Variants in RNF41 observed in about 807,000 individuals in gnomAD.
RNF41 encodes the protein ring finger protein 41.
A neutral mutation model predicts 33.0 loss-of-function variants in RNF41; 4 were observed. The ratio of observed to expected loss-of-function variants is 0.12; its 90% CI spans 0.06 to 0.28. The LOEUF is 0.28. Ranked by LOEUF, RNF41 falls within the 10% of genes least tolerant of loss-of-function variation. RNF41 has a pLI of 1.00. For synonymous variants in RNF41, 164 were observed against 153.2 expected (o/e 1.07, Z -0.52); for missense variants, 228 against 432.6 (o/e 0.53, Z 4.19).
At chr12:56,217,955 A>G (rs1869029636) in intron 1 of RNF41, among the ~76,000 whole-genome samples, 1 of 139,568 alleles carries the variant, frequency 7.2e-6, no homozygotes. Context: ...TTTCACATAA[A>G]TTATTATTAT....
At chr12:56,210,721 G>A (rs1469339957) in intron 3 of RNF41, among the ~76,000 whole-genome samples, 153 bp from the exon 4 acceptor site, 1 of 152,178 alleles carries the variant, frequency 6.6e-6, no homozygotes, top group African/African-American at 2.4e-5. Context: ...TCTACTACGG[G>A]CAAGGCATTG....
chr12:56,217,897 A>G (rs1453934816), intron 1 of RNF41, among the ~76,000 whole-genome samples: 1 of 152,154 alleles, frequency 6.6e-6, no homozygotes, highest in Admixed American at 6.5e-5. Context: ...TGGAAAAACT[A>G]TCTTCCACAA....
At chr12:56,216,864 G>A (rs1565945544) in intron 1 of RNF41, among the ~76,000 whole-genome samples, 1 of 152,196 alleles carries the variant, frequency 6.6e-6, no homozygotes, top group East Asian at 1.9e-4. Flanking sequence ...AGAGAGGCCG[G>A]GCGTGGTGGC....
intron 4 of RNF41, among the ~76,000 whole-genome samples, chr12:56,209,704 G>T (rs908630276): frequency 1.3e-5 from 2 of 151,928 alleles, no homozygotes; most frequent in African/African-American, 2.4e-5. Flanking sequence ...TGATCCACCC[G>T]CCTTGGCCTC....
Position 56,204,362 on chromosome 12 carries a change from A to G in RNF41, c.*2085T>C, listed in dbSNP as rs1208494419. The G allele has an allele frequency of 6.6e-6, 1 of 152,078 alleles. No homozygotes were observed. The highest frequency in any genetic ancestry group is 6.6e-5 in the Admixed American group (1 of 15,254). 9.4% of individuals were successfully genotyped at this position (152,078 alleles called of 1,614,324 possible). ...GGAAAGCAGCTGTGAAGTGCACACT[A>G]CTCCCAGACATCCTCCTGAAAGAGA... On this transcript the variant is annotated 3_prime_UTR_variant, in exon 7 of 7. Transcript: ENST00000345093.
chr12:56,207,536 A>AC (rs1868294224), intron 6 of RNF41, 110 bp downstream of exon 6: 9 of 875,866 alleles, frequency 1.0e-5, no homozygotes, highest in Non-Finnish European at 1.2e-5. Flanking sequence ...AGAAGCAGTG[A>AC]CCCCCAGCCC....
intron 1 of RNF41, among the ~76,000 whole-genome samples, chr12:56,218,344 C>T (rs73340397): frequency 3.2e-4 from 48 of 152,052 alleles, no homozygotes; most frequent in African/African-American, 1.2e-3. Flanking sequence ...ACTACAGCCT[C>T]GCCTTCCCAG....
rs1868273218 is a variant in RNF41, at chr12:56,206,732, A to G, written c.669T>C (p.Ala223=). 4 of 1,614,158 alleles carry G rather than the reference A, an allele frequency of 2.5e-6. No homozygotes were observed. The highest frequency in any genetic ancestry group is 3.4e-6 in the Non-Finnish European group (4 of 1,180,002). The change falls in exon 7 of 7, where the codon GCT becomes GCC. Residue 223 remains alanine, a synonymous_variant. Coordinates refer to ENST00000345093, the MANE Select transcript of RNF41 (RefSeq NM_005785.4). This position sits in a 1 kb window ranked among gnomAD's most constrained non-coding sequence, Gnocchi z 5.7. ...RWGGMISTPD[A]VLQAVIKRSL... is the part of the protein sequence containing the mutation. ...AGCGCTTGATTACAGCCTGGAGCAC[A>G]GCATCAGGAGTCGAGATCATCCCTC...
At position 56,210,402 on chromosome 12, in the gene RNF41, G is replaced by T. The variant is rs1325426496; in HGVS notation, c.257C>A (p.Ala86Asp). Residue 86 changes from alanine (A) to aspartate (D), a missense_variant, in exon 4 of 7, where the codon GCT becomes GAT. This residue lies in a region of RNF41 where 199 missense variants were observed against 334.6 expected (regional missense o/e 0.59). Coordinates refer to ENST00000345093, the MANE Select transcript of RNF41 (RefSeq NM_005785.4). ...GACAACGGCACTACAGCCGAACACA[G>T]CGTTGTCACAGGCAATCTGCAGCTT... ...LSKLQIACDNAVFGCSAVVRL... is the reference protein window; with the variant it reads ...LSKLQIACDNDVFGCSAVVRL... The T allele has an allele frequency of 6.2e-7, 1 of 1,614,234 alleles. No individual in the cohort carries two copies. Among genetic ancestry groups the T allele is most frequent in the Admixed American group, 1.7e-5 (1 of 60,028 alleles).
intron 1 of RNF41, among the ~76,000 whole-genome samples, chr12:56,216,873 G>A (rs543591262): frequency 1.3e-5 from 2 of 152,208 alleles, no homozygotes; most frequent in Non-Finnish European, 2.9e-5. Context: ...GGGCGTGGTG[G>A]CTCACGCCTG....
chr12:56,220,684 T>C (rs1225797644), intron 1 of RNF41, among the ~76,000 whole-genome samples: 2 of 151,398 alleles, frequency 1.3e-5, no homozygotes, highest in Non-Finnish European at 2.9e-5. Flanking sequence ...TGAGCCGAGA[T>C]TGTGCCACTG....
chr12:56,211,436 A>C (rs1274502), intron 3 of RNF41, among the ~76,000 whole-genome samples: 124,594 of 151,802 alleles, frequency 0.82, 56,478 homozygotes, highest in South Asian at 1. Context: ...TATAACAATA[A>C]GAGATACAAA....
In RNF41 at chr12:56,203,082, A is replaced by G. The variant is rs1433672432; in HGVS notation, c.*3365T>C. 1 of 144,002 alleles carries G rather than the reference A, an allele frequency of 6.9e-6. No individual in the cohort carries two copies. The highest frequency in any genetic ancestry group is 1.5e-5 in the Non-Finnish European group (1 of 65,990). 8.9% of individuals were successfully genotyped at this position (144,002 alleles called of 1,614,324 possible). ...ATGCCTTTTTTTTTTTTTTCAAGCC[A>G]CTAGAGTATCAAGAGTACTATTAGG... On this transcript the variant is annotated 3_prime_UTR_variant, in exon 7 of 7. Coordinates refer to ENST00000345093, the MANE Select transcript of RNF41 (RefSeq NM_005785.4).
chr12:56,221,767 G>A lies in RNF41; in HGVS notation c.-216C>T, dbSNP rs1428185297. On this transcript the variant is annotated 5_prime_UTR_variant, in exon 1 of 7. Coordinates refer to ENST00000345093, the MANE Select transcript of RNF41 (RefSeq NM_005785.4). The stretch of plus-strand genomic sequence containing the variant: ...CGCAGGCGCAGTACGCACCGCCCTG[G>A]AAGCGGCCTGGAGTCTCCGCAACCT... 1.5e-4 allele frequency: 23 copies of A among 152,422 alleles called. No individual in the cohort carries two copies. Among genetic ancestry groups the A allele is most frequent in the Non-Finnish European group, 3.4e-4 (23 of 68,238 alleles). The allele number at this position is 152,422 out of a possible 1,614,324, so 9.4% of individuals were successfully genotyped here.
At chr12:56,208,032 C>T (rs547259707) in intron 5 of RNF41, 131 bp downstream of exon 5, 1 of 1,120,908 alleles carries the variant, frequency 8.9e-7, no homozygotes, top group African/African-American at 1.5e-5. Context: ...AAGCCACAGG[C>T]AGAATATCCA....
intron 3 of RNF41, 106 bp downstream of exon 3, chr12:56,213,852 G>A (rs906634371): frequency 1.3e-6 from 1 of 786,732 alleles, no homozygotes; most frequent in East Asian, 2.4e-5. Flanking sequence ...TGAGGGTGGA[G>A]AGAAGAACAC....
chr12:56,216,943 G>A (rs575635969), intron 1 of RNF41, among the ~76,000 whole-genome samples: 101 of 150,968 alleles, frequency 6.7e-4, no homozygotes, highest in South Asian at 4.2e-3. Flanking sequence ...GATCAAGACC[G>A]TCCTGGCTAA....
intron 1 of RNF41, among the ~76,000 whole-genome samples, chr12:56,219,529 A>G (rs1488984472): frequency 6.7e-6 from 1 of 149,150 alleles, no homozygotes; most frequent in Non-Finnish European, 1.5e-5. Context: ...GGGTTTCAAC[A>G]TGTTGGCCAG....
chr12:56,209,708 T>C (rs939993503), intron 4 of RNF41, among the ~76,000 whole-genome samples: 5 of 151,838 alleles, frequency 3.3e-5, no homozygotes, highest in Non-Finnish European at 7.4e-5. Flanking sequence ...CCACCCGCCT[T>C]GGCCTCCCAA....
Sources: gnomAD v4.1 joint callset for allele counts (sites outside exome capture counted in the v4.1 genomes callset) on GRCh38, gnomAD v4.1.1 for gene constraint, gnomAD v4.1.1 regional missense constraint, Gnocchi (gnomAD v3.1) non-coding constraint, MANE v1.5 for transcripts, NCBI Gene and HGNC (gene_info 2026-07-23, HGNC 2026-07-21) for gene names.